Variants in EMSY observed in about 807,000 individuals in gnomAD.
EMSY encodes EMSY transcriptional repressor, BRCA2 interacting.
Under a neutral mutation model 134.6 loss-of-function variants are expected in EMSY, and 26 were observed. The ratio of observed to expected loss-of-function variants is 0.19; its 90% CI spans 0.14 to 0.27. EMSY has a LOEUF of 0.27. EMSY is among the 10% of genes least tolerant of loss of function. The probability of loss-of-function intolerance (pLI) is 1.00; values close to 1 mark genes in which losing one functional copy is unlikely to be tolerated. For missense variants in EMSY, 1,305 were observed against 1,611.4 expected, an observed-to-expected ratio of 0.81 and a Z score of 3.26; for synonymous variants, 579 against 577.8, an observed-to-expected ratio of 1.00 and a Z score of -0.03.
exon 21 of EMSY, chr11:76,550,146 G>A: frequency 6.2e-7 from 1 of 1,608,186 alleles, no homozygotes; most frequent in African/African-American, 1.3e-5. Flanking sequence ...AACGGTCCTA[G>A]TGTTTGGACA....
At chr11:76,497,647 AGTT>A (rs1195944545) in intron 9 of EMSY, among the ~76,000 whole-genome samples, 1 of 151,970 alleles carries the variant, frequency 6.6e-6, no homozygotes, top group Non-Finnish European at 1.5e-5. Flanking sequence ...TGCTTGTAGT[AGTT>A]CTTTACTATT....
At chr11:76,477,357 T>C (rs1173842242) in intron 8 of EMSY, among the ~76,000 whole-genome samples, 4 of 151,430 alleles carry the variant, frequency 2.6e-5, no homozygotes, top group Non-Finnish European at 5.9e-5. Context: ...ATATAACATA[T>C]TTATGTAGTT....
At chr11:76,546,384 A>G in intron 20 of EMSY, 87 bp downstream of exon 21, 1 of 1,486,444 alleles carries the variant, frequency 6.7e-7, no homozygotes. Flanking sequence ...CACAGGAAGA[A>G]TCAAGCCAAG....
chr11:76,471,060 C>A (rs569963215), intron 7 of EMSY, among the ~76,000 whole-genome samples: 3 of 152,190 alleles, frequency 2.0e-5, no homozygotes, highest in Admixed American at 6.5e-5. Context: ...GCAGTGTATT[C>A]AGAATCTGTT....
At chr11:76,459,905 A>G in intron 5 of EMSY, 28 bp from the exon 7 acceptor site, 1 of 1,605,126 alleles carries the variant, frequency 6.2e-7, no homozygotes, top group Non-Finnish European at 8.5e-7. Flanking sequence ...GTGAAAGTTA[A>G]CAGCAAACTT....
intron 8 of EMSY, among the ~76,000 whole-genome samples, chr11:76,480,517 G>A (rs34889640): frequency 0.056 from 8,452 of 152,220 alleles, 339 homozygotes; most frequent in Middle Eastern, 0.092. Flanking sequence ...TAATGTTTAT[G>A]CCATGTACTT....
intron 9 of EMSY, among the ~76,000 whole-genome samples, chr11:76,504,706 A>C (rs1308728394): frequency 6.6e-6 from 1 of 152,240 alleles, no homozygotes; most frequent in Non-Finnish European, 1.5e-5. Context: ...ACTGAATACC[A>C]AAAAACTTGC....
chr11:76,505,829 C>T (rs7940373), intron 9 of EMSY, among the ~76,000 whole-genome samples: 20,571 of 151,508 alleles, frequency 0.14, 1,764 homozygotes, highest in East Asian at 0.28. Flanking sequence ...TGCACTCCAG[C>T]CTGGGCAACA....
intron 9 of EMSY, among the ~76,000 whole-genome samples, chr11:76,511,700 AAAT>A (rs1011180940): frequency 4.6e-5 from 7 of 152,048 alleles, no homozygotes; most frequent in African/African-American, 9.7e-5. Context: ...CTCCATCTCA[AAAT>A]AATAATAATA....
intron 8 of EMSY, among the ~76,000 whole-genome samples, chr11:76,481,168 C>T (rs567149871): frequency 2.0e-5 from 3 of 152,240 alleles, no homozygotes; most frequent in African/African-American, 4.8e-5. Flanking sequence ...CTCAGCCTCT[C>T]GAATAGCTGG....
At chr11:76,545,732 G>A in intron 19 of EMSY, 65 bp from the exon 21 acceptor site, 3 of 1,499,918 alleles carry the variant, frequency 2.0e-6, no homozygotes, top group African/African-American at 1.4e-5. Context: ...TATTGTCTGG[G>A]GTGTTTGATT....
rs529435567 is a variant in EMSY at position 76,532,756 on chromosome 11, T to C, written c.2195-3139T>C. Among the ~76,000 whole-genome samples, 5 of 152,268 alleles carry C rather than the reference T, an allele frequency of 3.3e-5. No individual in the cohort carries two copies. The South Asian group carries it at 8.3e-4, about 25-fold the overall frequency. On this transcript the variant is annotated intron_variant, in intron 14 of 20. Transcript: ENST00000334736. ...CAGAGATTTATAATGGAATAAGGCA[T>C]GAGTCAAATACAAAAATGTATCTTG... is the stretch of plus-strand genomic sequence containing the variant.
chr11:76,506,000 CA>C (rs759819784), intron 9 of EMSY, among the ~76,000 whole-genome samples: 1 of 151,966 alleles, frequency 6.6e-6, no homozygotes, highest in African/African-American at 2.4e-5. Flanking sequence ...CCCAACTCTA[CA>C]AAAAAAATTT....
chr11:76,510,842 C>T (rs1405528792), intron 9 of EMSY, among the ~76,000 whole-genome samples: 3 of 152,174 alleles, frequency 2.0e-5, no homozygotes, highest in Non-Finnish European at 2.9e-5. Flanking sequence ...TCACTGCAGC[C>T]ATCTGGAATG....
At chr11:76,484,826 C>T (rs1049246998) in intron 8 of EMSY, among the ~76,000 whole-genome samples, 2 of 151,174 alleles carry the variant, frequency 1.3e-5, no homozygotes, top group Admixed American at 1.3e-4. Context: ...CCCTGCTACT[C>T]GGGAGGCTGA....
intron 9 of EMSY, among the ~76,000 whole-genome samples, chr11:76,505,743 G>C (rs1019250514): frequency 1.8e-4 from 27 of 152,046 alleles, no homozygotes; most frequent in Non-Finnish European, 3.7e-4. Flanking sequence ...TGTAGTCCCA[G>C]CTACTTGGGA....
At chr11:76,487,553 C>G (rs774726659) in intron 8 of EMSY, among the ~76,000 whole-genome samples, 1 of 152,176 alleles carries the variant, frequency 6.6e-6, no homozygotes, top group African/African-American at 2.4e-5. Flanking sequence ...AAAATAATTG[C>G]TTATCAGTAG....
At chr11:76,495,661 G>A (rs1329630791) in intron 8 of EMSY, among the ~76,000 whole-genome samples, 1 of 151,980 alleles carries the variant, frequency 6.6e-6, no homozygotes, top group Non-Finnish European at 1.5e-5. Context: ...AGAGTTCTTA[G>A]GAAATGACTT....
At chr11:76,460,596 G>A (rs1948069341) in intron 6 of EMSY, 1 of 151,722 alleles carries the variant, frequency 6.6e-6, no homozygotes, top group South Asian at 2.1e-4. Context: ...ACCCTATGAA[G>A]CAGTTTGGTG....
Sources: allele counts gnomAD v4.1 joint callset (sites outside exome capture counted in the v4.1 genomes callset), GRCh38; gene constraint gnomAD v4.1.1; transcripts MANE v1.5; gene names NCBI Gene and HGNC (gene_info 2026-07-23, HGNC 2026-07-21).